The following ZNF462 variants were observed in gnomAD, a reference collection of about 807,000 sequenced individuals.
The protein encoded by ZNF462 is zinc finger PBX1-interacting protein.
A neutral mutation model predicts 201.9 loss-of-function variants in ZNF462; 10 were observed. The ratio of observed to expected loss-of-function variants is 0.05; its 90% CI spans 0.03 to 0.08. The LOEUF is 0.08. Among genes scored for constraint, ZNF462 ranks in the 10% least tolerant of loss-of-function variants. ZNF462 has a pLI of 1.00. For missense variants in ZNF462, 2,523 were observed against 3,168.3 expected (o/e 0.80, Z 4.89); for synonymous variants, 1,227 against 1,193.3 (o/e 1.03, Z -0.58).
Position 106,864,100 on chromosome 9 carries a change from CT to C in ZNF462, c.-31+746del, listed in dbSNP as rs1564062779. ...TCTCTCTCTCTCTCTCTCTCTCTCTCTCTCTCTCTCCCTCTCCCCGAAGTTG... is the reference window on the plus strand; with the variant it reads ...TCTCTCTCTCTCTCTCTCTCTCTCTCCTCTCTCTCCCTCTCCCCGAAGTTG... On this transcript the variant is annotated intron_variant, in intron 1 of 12. Coordinates refer to ENST00000277225, the MANE Select transcript of ZNF462 (RefSeq NM_021224.6). Among the ~76,000 whole-genome samples, 181 of 125,142 alleles carry C rather than the reference CT, an allele frequency of 1.4e-3. 18 individuals are homozygous for C. Among genetic ancestry groups the C allele is most frequent in the South Asian group, 1.9e-3 (7 of 3,686 alleles). 82.1% of individuals were successfully genotyped at this position (125,142 alleles called of 152,430 possible).
intron 1 of ZNF462, among the ~76,000 whole-genome samples, chr9:106,866,618 A>G (rs1372712055): frequency 6.6e-6 from 1 of 152,188 alleles, no homozygotes; most frequent in Non-Finnish European, 1.5e-5. Context: ...CCTCTCCAAG[A>G]GCACTTAAAA....
intron 1 of ZNF462, among the ~76,000 whole-genome samples, chr9:106,874,262 C>T (rs1827728026): frequency 6.6e-6 from 1 of 152,186 alleles, no homozygotes; most frequent in Non-Finnish European, 1.5e-5. Flanking sequence ...TAAACTGTGA[C>T]CCTAGGCAGT....
At chr9:106,861,215 A>C (rs1305030294), upstream of ZNF462, among the ~76,000 whole-genome samples, 1 of 152,018 alleles carries the variant, frequency 6.6e-6, no homozygotes, top group Non-Finnish European at 1.5e-5. Context: ...TCGGGGTGAG[A>C]GATTCTGCTC....
At chr9:106,948,935 A>G (rs1038769074) in intron 7 of ZNF462, among the ~76,000 whole-genome samples, 1 of 152,122 alleles carries the variant, frequency 6.6e-6, no homozygotes, top group Non-Finnish European at 1.5e-5. Flanking sequence ...CCAATCAAAA[A>G]TTCATTAATT....
At position 106,972,857 on chromosome 9, in the gene ZNF462, A is replaced by G. The variant is rs998778840; in HGVS notation, c.6695+585A>G. On this transcript the variant is annotated intron_variant, in intron 8 of 12. Transcript: ENST00000277225. This position sits in a 1 kb window ranked among gnomAD's most constrained non-coding sequence, Gnocchi z 4.8. ...GTGGATGACAGAATTGATGGACTCA[A>G]TTATTAAGAATGGAATGCTTCCTAT... 6.6e-6 allele frequency among the ~76,000 whole-genome samples: 1 copy of G among 152,172 alleles called. No homozygotes were observed. The highest frequency in any genetic ancestry group is 1.5e-5 in the Non-Finnish European group (1 of 68,036).
rs1025255522 is a variant in ZNF462 at position 106,926,608 on chromosome 9, A to C, written c.2696A>C (p.Glu899Ala). ...TGCTACATCGATTACACCAACTTCG[A>C]AGATCTCCAGCAGCATTATGGCGAG... ...LECYIDYTNF[E>A]DLQQHYGEHH... Residue 899 changes from glutamate to alanine, a missense_variant, in exon 3 of 13, where the codon GAA (glutamate) becomes GCA (alanine). Coordinates refer to ENST00000277225, the MANE Select transcript of ZNF462 (RefSeq NM_021224.6). The surrounding 1 kb of genome is among the most constrained non-coding windows in gnomAD (Gnocchi z 7.9). 2.1e-5 allele frequency: 34 copies of C among 1,614,120 alleles called. No individual in the cohort carries two copies. Among genetic ancestry groups the C allele is most frequent in the Non-Finnish European group, 2.8e-5 (33 of 1,180,026 alleles).
rs779561424 is a variant in ZNF462 at position 106,924,794 on chromosome 9, C to T, written c.882C>T (p.Pro294=). The change falls in exon 3 of 13, where the codon CCC becomes CCT. Residue 294 remains proline (P), a synonymous_variant. Transcript: ENST00000277225. This position sits in a 1 kb window ranked among gnomAD's most constrained non-coding sequence, Gnocchi z 6.2. ...NLPDVPNKSA[P]SPTSNSTYLT... ...CTGATGTGCCGAACAAGAGTGCCCC[C>T]AGCCCCACTTCCAACTCCACCTATC... is the stretch of plus-strand genomic sequence containing the variant. The T allele has an allele frequency of 2.5e-6, 4 of 1,614,190 alleles. No homozygotes were observed. The highest frequency in any genetic ancestry group is 3.4e-6 in the Non-Finnish European group (4 of 1,180,046).
rs1831922759 is a variant in ZNF462 at position 106,963,290 on chromosome 9, T to C, written c.6428-8715T>C. On this transcript the variant is annotated intron_variant, in intron 7 of 12. Coordinates refer to ENST00000277225, the MANE Select transcript of ZNF462 (RefSeq NM_021224.6). The surrounding 1 kb of genome is among the most constrained non-coding windows in gnomAD (Gnocchi z 4.7). ...TTTAAATCAGCAGACTTCTTGAGTC[T>C]GAGAATCATCTTGATAGCTCTGTGT... is the stretch of plus-strand genomic sequence containing the variant. Among the ~76,000 whole-genome samples the C allele has an allele frequency of 6.6e-6, 1 of 152,122 alleles. No individual in the cohort carries two copies. Among genetic ancestry groups the C allele is most frequent in the Non-Finnish European group, 1.5e-5 (1 of 67,990 alleles).
In ZNF462 at chr9:107,013,267, T is replaced by C. The variant is rs1830027039; in HGVS notation, c.*2237T>C. ...TTATCCTTTTAACAAGGCTAGAATG[T>C]CATTTTTTTCTTTTTCAAACATATA... On this transcript the variant is annotated 3_prime_UTR_variant, in exon 13 of 13. Coordinates refer to ENST00000277225, the MANE Select transcript of ZNF462 (RefSeq NM_021224.6). 1.3e-5 allele frequency: 2 copies of C among 152,198 alleles called. No homozygotes were observed. The highest frequency in any genetic ancestry group is 4.1e-4 in the South Asian group (2 of 4,830). 9.4% of individuals were successfully genotyped at this position (152,198 alleles called of 1,614,324 possible).
chr9:106,996,150 C>A (rs1481664427), intron 10 of ZNF462, among the ~76,000 whole-genome samples: 1 of 152,048 alleles, frequency 6.6e-6, no homozygotes, highest in South Asian at 2.1e-4. Context: ...TGAACTCATC[C>A]TTTTTTATGG....
upstream of ZNF462, among the ~76,000 whole-genome samples, chr9:106,860,500 C>G (rs1827037608): frequency 6.6e-6 from 1 of 152,258 alleles, no homozygotes; most frequent in Middle Eastern, 3.4e-3. This position sits in a 1 kb window ranked among gnomAD's most constrained non-coding sequence, Gnocchi z 7.1. Flanking sequence ...GTCCCTGCCC[C>G]CAGGGAAGGA....
At chr9:106,863,088 G>A (rs991012920), upstream of ZNF462, 3 of 395,884 alleles carry the variant, frequency 7.6e-6, no homozygotes, top group African/African-American at 6.2e-5. Flanking sequence ...GGGAGAGAGA[G>A]AGTGAGAGGG....
At chr9:106,912,954 T>G (rs1470636217) in intron 1 of ZNF462, among the ~76,000 whole-genome samples, 1 of 152,224 alleles carries the variant, frequency 6.6e-6, no homozygotes, top group Admixed American at 6.5e-5. Flanking sequence ...TTCCTCTGGC[T>G]TTCCAGGATA....
chr9:107,003,167 G>A lies in ZNF462; in HGVS notation c.7057-127G>A, dbSNP rs575830645. 1.2e-5 allele frequency: 15 copies of A among 1,251,322 alleles called. No homozygotes were observed. Among genetic ancestry groups the A allele is most frequent in the East Asian group, 2.4e-5 (1 of 41,236 alleles). The allele number at this position is 1,251,322 out of a possible 1,614,324, so 77.5% of individuals were successfully genotyped here. ...CGAAGAAAAAGACCTCTTAGGCCCCGGAGTTGTTTGGTCCTGGTTGCAAAA... is the reference window on the plus strand; with the variant it reads ...CGAAGAAAAAGACCTCTTAGGCCCCAGAGTTGTTTGGTCCTGGTTGCAAAA... On this transcript the variant is annotated intron_variant, in intron 10 of 12. Coordinates refer to ENST00000277225, the MANE Select transcript of ZNF462 (RefSeq NM_021224.6). The surrounding 1 kb of genome is among the most constrained non-coding windows in gnomAD (Gnocchi z 4.4).
At position 106,864,092 on chromosome 9, in the gene ZNF462, CT is replaced by C. The variant is rs1564062685; in HGVS notation, c.-31+738del. Among the ~76,000 whole-genome samples, 330 of 131,154 alleles carry C rather than the reference CT, an allele frequency of 2.5e-3. 15 individuals carry two copies. The highest frequency in any genetic ancestry group is 3.2e-3 in the Non-Finnish European group (190 of 59,438). 86.0% of individuals were successfully genotyped at this position (131,154 alleles called of 152,430 possible). A position where few individuals can be genotyped will look rare whatever the true frequency, so the allele number is the denominator to read the frequency against. On this transcript the variant is annotated intron_variant, in intron 1 of 12. Transcript: ENST00000277225. Reference sequence around the variant, plus strand: ...TCTCTCTCTCTCTCTCTCTCTCTCTCTCTCTCTCTCTCTCTCTCCCTCTCCC... The same window carrying C: ...TCTCTCTCTCTCTCTCTCTCTCTCTCCTCTCTCTCTCTCTCTCCCTCTCCC...
intron 10 of ZNF462, among the ~76,000 whole-genome samples, chr9:106,989,442 G>A (rs1017127022): frequency 2.0e-5 from 3 of 152,086 alleles, no homozygotes; most frequent in Non-Finnish European, 2.9e-5. Flanking sequence ...TGGTTAGCTA[G>A]TATTTTGTTA....
Position 106,928,766 on chromosome 9 carries a change from C to T in ZNF462, c.4854C>T (p.Pro1618=). Residue 1618 remains proline, a synonymous_variant, in exon 3 of 13, where the codon CCC becomes CCT. Coordinates refer to ENST00000277225, the MANE Select transcript of ZNF462 (RefSeq NM_021224.6). This position sits in a 1 kb window ranked among gnomAD's most constrained non-coding sequence, Gnocchi z 9.3. ...AGTCGCCCCCGAAGCTGCCAGTCCC[C>T]CTCGAGCCCGAGATGACCACTGAAG... ...FSQSPPKLPV[P]LEPEMTTEVS... is the part of the protein sequence containing the mutation. 1 of 1,614,110 alleles carries T rather than the reference C, an allele frequency of 6.2e-7. No homozygotes were observed. Among genetic ancestry groups the T allele is most frequent in the Non-Finnish European group, 8.5e-7 (1 of 1,180,020 alleles).
At position 106,981,040 on chromosome 9, in the gene ZNF462, C is replaced by CT. The variant is rs1347614303; in HGVS notation, c.6833-3139dup. Reference sequence around the variant, plus strand: ...CATTTGCCCACCTTTTAAAGTCTGTCTTTTTTTATTTTTATCTTGGTCATG... The same window carrying CT: ...CATTTGCCCACCTTTTAAAGTCTGTCTTTTTTTTATTTTTATCTTGGTCATG... On this transcript the variant is annotated intron_variant, in intron 9 of 12. Coordinates refer to ENST00000277225, the MANE Select transcript of ZNF462 (RefSeq NM_021224.6). This position sits in a 1 kb window ranked among gnomAD's most constrained non-coding sequence, Gnocchi z 4.0. 2.0e-5 allele frequency among the ~76,000 whole-genome samples: 3 copies of CT among 152,126 alleles called. No individual in the cohort carries two copies. The highest frequency in any genetic ancestry group is 2.9e-5 in the Non-Finnish European group (2 of 68,010).
At chr9:106,918,245 C>T (rs1318422313) in intron 1 of ZNF462, among the ~76,000 whole-genome samples, 1 of 152,148 alleles carries the variant, frequency 6.6e-6, no homozygotes, top group African/African-American at 2.4e-5. Context: ...CAGAAAAGAA[C>T]TGATTCTGCC....
Sources: gnomAD v4.1 joint callset for allele counts (sites outside exome capture counted in the v4.1 genomes callset) on GRCh38, gnomAD v4.1.1 for gene constraint, Gnocchi (gnomAD v3.1) non-coding constraint, MANE v1.5 for transcripts, NCBI Gene and HGNC (gene_info 2026-07-23, HGNC 2026-07-21) for gene names.